GAMT: variants seen among roughly 807,000 people sequenced by gnomAD.
The protein encoded by GAMT is guanidinoacetate N-methyltransferase.
GAMT carries 26 observed loss-of-function variants against 26.9 expected under a neutral mutation model. The ratio of observed to expected loss-of-function variants is 0.97; its 90% CI spans 0.71 to 1.34. GAMT has a LOEUF of 1.34. Ranked by LOEUF, GAMT falls within the 40% of genes most tolerant of loss-of-function variation. GAMT has a pLI of 0.00. For missense variants in GAMT, 412 were observed against 345.0 expected (o/e 1.19, Z -1.54); for synonymous variants, 169 against 149.6 (o/e 1.13, Z -0.95).
At chr19:1,397,535 C>T in intron 5 of GAMT, 36 bp from the exon 6 acceptor site, 1 of 1,598,382 alleles carries the variant, frequency 6.3e-7, no homozygotes, top group Non-Finnish European at 8.5e-7. Context: ...CTCTGAGGGC[C>T]ATGGGGGTCA....
At chr19:1,398,635 G>T in intron 5 of GAMT, 1 of 966,538 alleles carries the variant, frequency 1.0e-6, no homozygotes, top group South Asian at 1.6e-5. Flanking sequence ...GGAAAGATGA[G>T]GTCTTGCTCT....
chr19:1,397,603 T>A, intron 5 of GAMT, 104 bp from the exon 6 acceptor site: 1 of 1,537,136 alleles, frequency 6.5e-7, no homozygotes. Flanking sequence ...AAGGCCCGGG[T>A]GGGCGGCTGC....
intron 5 of GAMT, 101 bp downstream of exon 5, chr19:1,398,815 A>G (rs2082615848): frequency 6.4e-7 from 1 of 1,565,682 alleles, no homozygotes; most frequent in Admixed American, 1.9e-5. Context: ...GGGGGTCAGG[A>G]AGGGACCCTC....
intron 5 of GAMT, chr19:1,398,683 A>C: frequency 1.4e-6 from 2 of 1,465,116 alleles, no homozygotes; most frequent in Non-Finnish European, 1.8e-6. Flanking sequence ...GGCTCAAGCA[A>C]TCTGCCCACC....
At position 1,397,397 on chromosome 19, in the gene GAMT, A is replaced by G; in HGVS notation, c.673T>C (p.Phe225Leu). The part of the protein sequence containing the change: ...VPPADCRYYA[F>L]PQMITPLVTK... ...ACCAGGGGCGTGATCATCTGTGGGA[A>G]GGCGTAGTAGCGGCAGTCGGCCGGT... is the stretch of plus-strand genomic sequence containing the variant. The change falls in exon 6 of 6, where the codon TTC becomes CTC. Residue 225 changes from phenylalanine to leucine, a missense_variant. Transcript: ENST00000252288. 1 of 1,612,548 alleles carries G rather than the reference A, an allele frequency of 6.2e-7. No individual in the cohort carries two copies. The highest frequency in any genetic ancestry group is 8.5e-7 in the Non-Finnish European group (1 of 1,179,890).
chr19:1,400,403 C>G (rs920012739), intron 1 of GAMT, among the ~76,000 whole-genome samples: 6 of 152,106 alleles, frequency 3.9e-5, no homozygotes, highest in Admixed American at 6.5e-5. Flanking sequence ...GCGGGCGGAA[C>G]ACAGTAGTCC....
Position 1,397,353 on chromosome 19 carries a change from G to A in GAMT, c.*6C>T. On this transcript the variant is annotated 3_prime_UTR_variant, in exon 6 of 6. Coordinates refer to ENST00000252288, the MANE Select transcript of GAMT (RefSeq NM_000156.6). ...GGCATGGGTGTGGCCGGGCCGGGGT[G>A]GGGGCTCAGCCTTTGGTCACCAGGG... 3.1e-6 allele frequency: 5 copies of A among 1,609,066 alleles called. No individual in the cohort carries two copies. In the South Asian group the frequency reaches 4.4e-5, roughly 14 times the overall value.
chr19:1,398,067 T>A, intron 5 of GAMT: 1 of 997,578 alleles, frequency 1.0e-6, no homozygotes, highest in African/African-American at 1.7e-5. Context: ...GGGAGGTTGT[T>A]GAGCTGGTGA....
chr19:1,397,669 C>T, intron 5 of GAMT, 170 bp from the exon 6 acceptor site: 2 of 1,386,810 alleles, frequency 1.4e-6, no homozygotes, highest in Admixed American at 2.3e-5. Context: ...GAACGGGAAT[C>T]TCCAGCTCCC....
rs115346120 is a variant in GAMT, at chr19:1,400,593, C to T, written c.182-655G>A. On this transcript the variant is annotated intron_variant, in intron 1 of 5. Transcript: ENST00000252288. ...CTCGGGTTAGTTACTTTTCTCTCCCCCTCCCTCTATCCGAAAGTTGGATTT... is the reference window on the plus strand; with the variant it reads ...CTCGGGTTAGTTACTTTTCTCTCCCTCTCCCTCTATCCGAAAGTTGGATTT... Among the ~76,000 whole-genome samples the T allele has an allele frequency of 2.3e-3, 345 of 152,310 alleles. 1 individual carries two copies. Among genetic ancestry groups the T allele is most frequent in the African/African-American group, 7.5e-3 (312 of 41,562 alleles).
rs1231822946 is a variant in GAMT, at chr19:1,399,942, G to A, written c.182-4C>T. 6.2e-7 allele frequency: 1 copy of A among 1,604,280 alleles called. No individual in the cohort carries two copies. The highest frequency in any genetic ancestry group is 2.2e-5 in the East Asian group (1 of 44,578). ...CCCACCTCCAGGACCCGGCCCCCTG[G>A]GCAGACACAGGGCGCCTGGCATCAC... On this transcript the variant is annotated splice_region_variant and splice_polypyrimidine_tract_variant and intron_variant, in intron 1 of 5. Coordinates refer to ENST00000252288, the MANE Select transcript of GAMT (RefSeq NM_000156.6). This position sits in a 1 kb window ranked among gnomAD's most constrained non-coding sequence, Gnocchi z 6.2.
chr19:1,400,825 C>G (rs951312276), intron 1 of GAMT, among the ~76,000 whole-genome samples: 1 of 152,340 alleles, frequency 6.6e-6, no homozygotes, highest in Middle Eastern at 3.4e-3. Flanking sequence ...CCCTTAGCGT[C>G]TGACGCCAGG....
chr19:1,398,633 G>T, intron 5 of GAMT: 1 of 917,824 alleles, frequency 1.1e-6, no homozygotes, highest in Non-Finnish European at 1.6e-6. Flanking sequence ...TAGGAAAGAT[G>T]AGGTCTTGCT....
chr19:1,401,395 C>A lies in GAMT; in HGVS notation c.82G>T (p.Asp28Tyr). ...PAWGAAPAAYDAADTHLRILG... is the reference protein window; with the variant it reads ...PAWGAAPAAYYAADTHLRILG... ...ATGCGCAGGTGCGTGTCCGCTGCGT[C>A]GTAGGCCGCGGGCGCCGCCCCCCAC... The change falls in exon 1 of 6, where the codon GAC becomes TAC. Residue 28 changes from aspartate (D) to tyrosine (Y), a missense_variant. Coordinates refer to ENST00000252288, the MANE Select transcript of GAMT (RefSeq NM_000156.6). 6.8e-7 allele frequency: 1 copy of A among 1,468,786 alleles called. No individual in the cohort carries two copies. The highest frequency in any genetic ancestry group is 9.0e-7 in the Non-Finnish European group (1 of 1,114,482). The allele number at this position is 1,468,786 out of a possible 1,614,324, so 91.0% of individuals were successfully genotyped here.
chr19:1,398,683 A>G, intron 5 of GAMT: 2 of 1,465,116 alleles, frequency 1.4e-6, no homozygotes, highest in Non-Finnish European at 1.8e-6. Context: ...GGCTCAAGCA[A>G]TCTGCCCACC....
rs765281181 is a variant in GAMT at position 1,399,568 on chromosome 19, A to C, written c.347T>G (p.Leu116Arg). Residue 116 changes from leucine to arginine, a missense_variant, in exon 3 of 6, where the codon CTG becomes CGG. Coordinates refer to ENST00000252288, the MANE Select transcript of GAMT (RefSeq NM_000156.6). This position sits in a 1 kb window ranked among gnomAD's most constrained non-coding sequence, Gnocchi z 6.2. ...QTHKVIPLKG[L>R]WEDVAPTLPD... is the part of the protein sequence containing the mutation. ...CAGGGTGGGTGCCACATCCTCCCAC[A>C]GGCCTTTCAAGGGGATGACCTTGCA... 1.2e-6 allele frequency: 2 copies of C among 1,612,992 alleles called. No homozygotes were observed. Among genetic ancestry groups the C allele is most frequent in the African/African-American group, 2.7e-5 (2 of 74,918 alleles).
Position 1,401,395 on chromosome 19 carries a change from C to CG in GAMT, c.81dup (p.Asp28ArgfsTer57). On this transcript the variant is annotated frameshift_variant, in exon 1 of 6. Coordinates refer to ENST00000252288, the MANE Select transcript of GAMT (RefSeq NM_000156.6). LOFTEE classifies it high-confidence loss of function. ...ATGCGCAGGTGCGTGTCCGCTGCGT[C>CG]GTAGGCCGCGGGCGCCGCCCCCCAC... 6.8e-7 allele frequency: 1 copy of CG among 1,468,786 alleles called. No individual in the cohort carries two copies. The highest frequency in any genetic ancestry group is 9.0e-7 in the Non-Finnish European group (1 of 1,114,482). The allele number at this position is 1,468,786 out of a possible 1,614,324, so 91.0% of individuals were successfully genotyped here. A position where few individuals can be genotyped will look rare whatever the true frequency, so the allele number is the denominator to read the frequency against.
intron 5 of GAMT, chr19:1,398,010 G>A (rs2082610361): frequency 9.7e-7 from 1 of 1,033,720 alleles, no homozygotes; most frequent in Non-Finnish European, 1.2e-6. Context: ...CTGGAGGGAG[G>A]GGAACACGCA....
chr19:1,397,154 C>CAGTG lies in GAMT; in HGVS notation c.*201_*204dup. 2 of 640,170 alleles carry CAGTG rather than the reference C, an allele frequency of 3.1e-6. No homozygotes were observed. Among genetic ancestry groups the CAGTG allele is most frequent in the South Asian group, 3.9e-5 (2 of 51,534 alleles). 39.7% of individuals were successfully genotyped at this position (640,170 alleles called of 1,614,324 possible). On this transcript the variant is annotated 3_prime_UTR_variant, in exon 6 of 6. Transcript: ENST00000252288. Reference sequence around the variant, plus strand: ...ACCTCAGGGACCCTGCAGTGGGCAGCAGTGACCCTCACAGAGAAGCTGGGA... The same window carrying CAGTG: ...ACCTCAGGGACCCTGCAGTGGGCAGCAGTGAGTGACCCTCACAGAGAAGCTGGGA...
Sources: allele counts gnomAD v4.1 joint callset (sites outside exome capture counted in the v4.1 genomes callset), GRCh38; gene constraint gnomAD v4.1.1; non-coding constraint Gnocchi (gnomAD v3.1); transcripts MANE v1.5; gene names NCBI Gene and HGNC (gene_info 2026-07-23, HGNC 2026-07-21).